The following SCEL variants were observed in gnomAD, a reference collection of about 807,000 sequenced individuals.
The protein encoded by SCEL is sciellin.
Under a neutral mutation model 117.6 loss-of-function variants are expected in SCEL, and 113 were observed. That is an observed-to-expected ratio of 0.96 (90% CI 0.83 to 1.12). SCEL has a LOEUF of 1.12. Ranked by LOEUF, SCEL falls within the 50% of genes most tolerant of loss-of-function variation. The pLI is 0.00. For missense variants in SCEL, 785 were observed against 810.8 expected (o/e 0.97, Z 0.39); for synonymous variants, 270 against 256.2 (o/e 1.05, Z -0.51).
intron 1 of SCEL, among the ~76,000 whole-genome samples, chr13:77,555,460 A>G (rs146706002): frequency 1.1e-3 from 163 of 152,276 alleles, no homozygotes; most frequent in African/African-American, 3.7e-3. Flanking sequence ...TGGGTTCAGC[A>G]CAATCTCTCT....
chr13:77,593,986 C>G (rs891231816), intron 12 of SCEL, among the ~76,000 whole-genome samples: 3 of 134,582 alleles, frequency 2.2e-5, no homozygotes, highest in Non-Finnish European at 3.1e-5. Context: ...ACTCACCTTT[C>G]TGGAATAATT....
chr13:77,630,967 G>C (rs375307229), intron 28 of SCEL, among the ~76,000 whole-genome samples: 1 of 152,142 alleles, frequency 6.6e-6, no homozygotes, highest in East Asian at 1.9e-4. Context: ...CTTCTGTTGC[G>C]CTGTTTCCCA....
At position 77,599,380 on chromosome 13, in the gene SCEL, A is replaced by G. The variant is rs747192662; in HGVS notation, c.849A>G (p.Arg283=). The G allele has an allele frequency of 4.8e-5, 77 of 1,612,126 alleles. No individual in the cohort carries two copies. The highest frequency in any genetic ancestry group is 6.4e-5 in the Non-Finnish European group (76 of 1,178,492). ...GAGCAAATCCAAAGGTAGAAGAAAG[A>G]GAGAAAAGGTAAGTGCATCTGTCTC... ...LFRANPKVEE[R]EKRAKSLESL... is the part of the protein sequence containing the mutation. Residue 283 remains arginine (R), a synonymous_variant, in exon 14 of 33, where the codon AGA becomes AGG. Transcript: ENST00000349847.
At position 77,593,593 on chromosome 13, in the gene SCEL, G is replaced by C. The variant is rs1313209997; in HGVS notation, c.752+20G>C. 7 of 1,603,540 alleles carry C rather than the reference G, an allele frequency of 4.4e-6. No homozygotes were observed. The highest frequency in any genetic ancestry group is 1.7e-5 in the Admixed American group (1 of 59,496). On this transcript the variant is annotated intron_variant, in intron 12 of 32. Transcript: ENST00000349847. Reference sequence around the variant, plus strand: ...CAAAGGGTGAGATCTCAGAGCTTTTGAGCTTGGGTTTTATCTTCCCTGGTG... The same window carrying C: ...CAAAGGGTGAGATCTCAGAGCTTTTCAGCTTGGGTTTTATCTTCCCTGGTG...
chr13:77,630,907 C>A (rs1251182210), intron 28 of SCEL, among the ~76,000 whole-genome samples: 2 of 152,182 alleles, frequency 1.3e-5, no homozygotes, highest in Non-Finnish European at 2.9e-5. Flanking sequence ...ATGAGTTCTC[C>A]TTTACAAGGA....
At chr13:77,575,374 A>G (rs1037967262) in intron 9 of SCEL, among the ~76,000 whole-genome samples, 4 of 152,140 alleles carry the variant, frequency 2.6e-5, no homozygotes, top group Non-Finnish European at 5.9e-5. Flanking sequence ...GTCTACATCT[A>G]TATCTATACT....
In SCEL at chr13:77,597,534, T is replaced by G; in HGVS notation, c.753-11T>G. On this transcript the variant is annotated splice_polypyrimidine_tract_variant and intron_variant, in intron 12 of 32. Transcript: ENST00000349847. ...TTTACTAATGTTAAACATTTTTTTCTCTTCCCAAAGTGAAGAATTGGATAA... is the reference window on the plus strand; with the variant it reads ...TTTACTAATGTTAAACATTTTTTTCGCTTCCCAAAGTGAAGAATTGGATAA... The G allele has an allele frequency of 6.8e-7, 1 of 1,478,368 alleles. No homozygotes were observed. The highest frequency in any genetic ancestry group is 1.2e-5 in the South Asian group (1 of 80,432). The allele number at this position is 1,478,368 out of a possible 1,614,324, so 91.6% of individuals were successfully genotyped here.
At chr13:77,615,470 G>C (rs528957899) in intron 24 of SCEL, among the ~76,000 whole-genome samples, 11 of 152,230 alleles carry the variant, frequency 7.2e-5, no homozygotes, top group Admixed American at 2.0e-4. Flanking sequence ...AGGGTTACTT[G>C]AAAGAATACT....
chr13:77,542,150 TAAA>T (rs777389458), intron 1 of SCEL, among the ~76,000 whole-genome samples: 75 of 152,214 alleles, frequency 4.9e-4, no homozygotes, highest in African/African-American at 1.7e-3. Flanking sequence ...GGTTGTGTAT[TAAA>T]AACCAGAATC....
chr13:77,563,836 T>A lies in SCEL; in HGVS notation c.227T>A (p.Val76Glu), dbSNP rs78419173. 6.3e-7 allele frequency: 1 copy of A among 1,591,088 alleles called. No individual in the cohort carries two copies. Among genetic ancestry groups the A allele is most frequent in the Non-Finnish European group, 8.5e-7 (1 of 1,172,252 alleles). ...GGTAATTATGTTTGCTACAGGAAAG[T>A]AAATGAGAGAGATGTGCCAAAAGCT... ...HNSHDALDRK[V>E]NERDVPKATI... The change falls in exon 5 of 33, where the codon GTA becomes GAA. Residue 76 changes from valine to glutamate, a missense_variant. Physicochemically the swap from Val to Glu is moderately radical, Grantham distance 121. Coordinates refer to ENST00000349847, the MANE Select transcript of SCEL (RefSeq NM_144777.3).
intron 1 of SCEL, among the ~76,000 whole-genome samples, chr13:77,546,352 T>A (rs1593874868): frequency 6.6e-6 from 1 of 152,212 alleles, no homozygotes; most frequent in East Asian, 1.9e-4. Context: ...CACACAGACC[T>A]AACTGCAGTT....
chr13:77,571,476 G>A (rs2154397624), intron 8 of SCEL, among the ~76,000 whole-genome samples: 1 of 151,676 alleles, frequency 6.6e-6, no homozygotes, highest in African/African-American at 2.4e-5. Context: ...ATCACCTGAG[G>A]TCGGGAGTTC....
intron 9 of SCEL, among the ~76,000 whole-genome samples, chr13:77,585,070 T>C (rs1347400488): frequency 6.6e-6 from 1 of 152,244 alleles, no homozygotes; most frequent in Non-Finnish European, 1.5e-5. Flanking sequence ...ATTTTGAAAG[T>C]TGCAAATCCG....
intron 30 of SCEL, among the ~76,000 whole-genome samples, chr13:77,639,016 G>T (rs554579932): frequency 2.0e-5 from 3 of 151,978 alleles, no homozygotes; most frequent in Admixed American, 1.3e-4. Context: ...GTCTGTCCAC[G>T]TACCTGTATT....
chr13:77,616,430 A>G (rs1024375889), intron 24 of SCEL, among the ~76,000 whole-genome samples: 4 of 152,188 alleles, frequency 2.6e-5, no homozygotes, highest in South Asian at 2.1e-4. Context: ...TTTGCCATCA[A>G]TTTACATAAG....
intron 30 of SCEL, among the ~76,000 whole-genome samples, chr13:77,640,016 T>G (rs963756555): frequency 6.6e-6 from 1 of 152,160 alleles, no homozygotes; most frequent in Non-Finnish European, 1.5e-5. Context: ...TATTTAGTAT[T>G]TGTTATTTAA....
intron 3 of SCEL, among the ~76,000 whole-genome samples, chr13:77,557,051 G>A (rs768718911): frequency 1.3e-5 from 2 of 152,066 alleles, no homozygotes; most frequent in African/African-American, 2.4e-5. Context: ...ATCCATGATC[G>A]GACAATCCTG....
intron 14 of SCEL, 68 bp from the exon 15 acceptor site, chr13:77,599,621 C>T: frequency 3.4e-6 from 4 of 1,160,328 alleles, no homozygotes; most frequent in Non-Finnish European, 5.2e-6. Flanking sequence ...TTGCATTTGA[C>T]CTTTCAAGAT....
intron 9 of SCEL, among the ~76,000 whole-genome samples, chr13:77,573,638 C>CATCCATCTATCT (rs1401499284): frequency 6.7e-5 from 10 of 149,752 alleles, no homozygotes; most frequent in African/African-American, 2.5e-4. Flanking sequence ...TCTGTCATTA[C>CATCCATCTATCT]ATCTATCTAT....
Sources: allele counts gnomAD v4.1 joint callset (sites outside exome capture counted in the v4.1 genomes callset), GRCh38; gene constraint gnomAD v4.1.1; transcripts MANE v1.5; gene names NCBI Gene and HGNC (gene_info 2026-07-23, HGNC 2026-07-21).